CNTN3: variants seen among roughly 807,000 people sequenced by gnomAD.
The protein encoded by CNTN3 is contactin-3.
In CNTN3, 60 loss-of-function variants were observed where a neutral mutation model predicts 119.1. That is an observed-to-expected ratio of 0.50 (90% CI 0.41 to 0.62). CNTN3 has a LOEUF of 0.62. CNTN3 is among the 20% of genes least tolerant of loss of function. The pLI, the probability that CNTN3 is intolerant of heterozygous loss-of-function variation, is 0.00. For missense variants in CNTN3, 1,101 were observed against 1,242.4 expected, an observed-to-expected ratio of 0.89 and a Z score of 1.71; for synonymous variants, 450 against 438.7, an observed-to-expected ratio of 1.03 and a Z score of -0.32.
chr3:74,301,569 G>A (rs78931842), intron 15 of CNTN3, 22 bp from the exon 16 acceptor site: 19,494 of 1,612,946 alleles, frequency 0.012, 140 homozygotes, highest in Middle Eastern at 0.04. Context: ...TATTTCAGAG[G>A]TAAGAGTCTG....
chr3:74,431,721 A>G (rs1315632212), intron 4 of CNTN3, among the ~76,000 whole-genome samples: 1 of 152,218 alleles, frequency 6.6e-6, no homozygotes. Context: ...AAAACAAGCC[A>G]TTTTCCCTCT....
chr3:74,482,216 T>A (rs182737915), intron 4 of CNTN3, among the ~76,000 whole-genome samples: 15 of 152,068 alleles, frequency 9.9e-5, no homozygotes, highest in Non-Finnish European at 1.8e-4. Context: ...GCAAAAGTAC[T>A]ACAGAAAATA....
chr3:74,602,992 G>T (rs1466156434), intron 1 of CNTN3, among the ~76,000 whole-genome samples: 1 of 152,120 alleles, frequency 6.6e-6, no homozygotes, highest in East Asian at 1.9e-4. Context: ...AGAAACTACT[G>T]TAAAGGCAGA....
intron 5 of CNTN3, among the ~76,000 whole-genome samples, chr3:74,386,402 T>G (rs1444530756): frequency 7.2e-5 from 11 of 152,142 alleles, no homozygotes; most frequent in Admixed American, 7.2e-4. Context: ...GTGGATGGCT[T>G]GATCCCAGAG....
chr3:74,572,963 C>T (rs1704358023), intron 1 of CNTN3, among the ~76,000 whole-genome samples: 1 of 152,230 alleles, frequency 6.6e-6, no homozygotes, highest in Admixed American at 6.5e-5. Context: ...TAAAACACCA[C>T]ATTGAAATGT....
chr3:74,466,522 G>A (rs567067048), intron 4 of CNTN3, among the ~76,000 whole-genome samples: 2 of 152,200 alleles, frequency 1.3e-5, no homozygotes, highest in East Asian at 3.9e-4. Flanking sequence ...AAAAAAACTG[G>A]AAAATGTATA....
intron 11 of CNTN3, among the ~76,000 whole-genome samples, chr3:74,348,175 TAA>T (rs1289607123): frequency 6.6e-6 from 1 of 152,198 alleles, no homozygotes; most frequent in Non-Finnish European, 1.5e-5. Context: ...GAGCTGATCT[TAA>T]GTGTTCTCAA....
intron 1 of CNTN3, among the ~76,000 whole-genome samples, chr3:74,609,614 G>A (rs965023080): frequency 6.6e-6 from 1 of 152,154 alleles, no homozygotes; most frequent in African/African-American, 2.4e-5. Context: ...GTGTCCAAGA[G>A]ATGTACGAGA....
intron 1 of CNTN3, among the ~76,000 whole-genome samples, chr3:74,567,183 T>C (rs1428583081): frequency 6.6e-6 from 1 of 152,006 alleles, no homozygotes; most frequent in Non-Finnish European, 1.5e-5. Flanking sequence ...TACTCTGTTG[T>C]CCAGGCTGGA....
chr3:74,357,085 A>C (rs1180528205), intron 11 of CNTN3, among the ~76,000 whole-genome samples: 1 of 151,686 alleles, frequency 6.6e-6, no homozygotes, highest in Non-Finnish European at 1.5e-5. Flanking sequence ...CACCATACCC[A>C]GCTAATTATT....
chr3:74,344,270 C>T (rs1347188114), intron 11 of CNTN3, among the ~76,000 whole-genome samples: 1 of 152,124 alleles, frequency 6.6e-6, no homozygotes, highest in African/African-American at 2.4e-5. Flanking sequence ...GACCAACTAA[C>T]ACCCTGCCCT....
At chr3:74,589,019 G>A (rs2106682586) in intron 1 of CNTN3, among the ~76,000 whole-genome samples, 1 of 151,740 alleles carries the variant, frequency 6.6e-6, no homozygotes, top group East Asian at 2.0e-4. Flanking sequence ...GAAAACCTAG[G>A]CATTACCATT....
chr3:74,329,145 A>G (rs537826068), intron 13 of CNTN3, among the ~76,000 whole-genome samples: 72 of 152,330 alleles, frequency 4.7e-4, no homozygotes, highest in African/African-American at 1.7e-3. Flanking sequence ...ATTATCACAC[A>G]AAGGATCAAT....
intron 13 of CNTN3, 120 bp from the exon 14 acceptor site, chr3:74,302,927 G>A (rs1267683324): frequency 4.9e-6 from 3 of 610,840 alleles, no homozygotes; most frequent in Non-Finnish European, 8.8e-6. Flanking sequence ...AGCAAACCAA[G>A]GTGGTATAAG....
intron 17 of CNTN3, among the ~76,000 whole-genome samples, chr3:74,298,513 T>C (rs988803680): frequency 3.3e-5 from 5 of 151,940 alleles, no homozygotes; most frequent in African/African-American, 4.8e-5. Flanking sequence ...TCTGATCTCT[T>C]AAGCCAAATA....
At chr3:74,292,038 C>G (rs1702242289) in intron 19 of CNTN3, among the ~76,000 whole-genome samples, 1 of 152,072 alleles carries the variant, frequency 6.6e-6, no homozygotes, top group African/African-American at 2.4e-5. Flanking sequence ...CTCCTGTGAC[C>G]CTCCAAGAAA....
chr3:74,521,219 C>G, intron 1 of CNTN3, 27 bp from the exon 2 acceptor site: 1 of 301,396 alleles, frequency 3.3e-6, no homozygotes, highest in African/African-American at 2.7e-5. Flanking sequence ...CAAAGAAGTT[C>G]GTTAAAAAAA....
chr3:74,316,815 C>G (rs1189503014), intron 13 of CNTN3, among the ~76,000 whole-genome samples: 4 of 151,774 alleles, frequency 2.6e-5, no homozygotes, highest in African/African-American at 9.7e-5. Context: ...GTAGTCCCAG[C>G]TACTCGGGAG....
chr3:74,381,952 T>C (rs1387255741), intron 5 of CNTN3, among the ~76,000 whole-genome samples: 1 of 152,182 alleles, frequency 6.6e-6, no homozygotes, highest in Non-Finnish European at 1.5e-5. Flanking sequence ...CTCACTCCTG[T>C]AATACCAGCA....
Sources: gnomAD v4.1 joint callset for allele counts (sites outside exome capture counted in the v4.1 genomes callset) on GRCh38, gnomAD v4.1.1 for gene constraint, MANE v1.5 for transcripts, NCBI Gene and HGNC (gene_info 2026-07-23, HGNC 2026-07-21) for gene names.